The following TRAPPC11 variants were observed in gnomAD, a reference collection of about 807,000 sequenced individuals.
TRAPPC11 encodes trafficking protein particle complex subunit 11, also known as foie gras homolog.
A neutral mutation model predicts 151.2 loss-of-function variants in TRAPPC11; 104 were observed. That is an observed-to-expected ratio of 0.69 (90% confidence interval 0.59 to 0.81). The LOEUF (loss-of-function observed/expected upper bound fraction) is 0.81, where lower values mean the gene tolerates loss of function less well. TRAPPC11 is among the 30% of genes least tolerant of loss of function. TRAPPC11 has a pLI of 0.00. For synonymous variants in TRAPPC11, 456 were observed against 472.3 expected (o/e 0.97, Z 0.45); for missense variants, 1,230 against 1,349.6 (o/e 0.91, Z 1.39).
At chr4:183,710,738 A>C (rs1198236228) in intron 29 of TRAPPC11, among the ~76,000 whole-genome samples, 1 of 151,710 alleles carries the variant, frequency 6.6e-6, no homozygotes, top group Admixed American at 6.6e-5. Flanking sequence ...TTTATAATTA[A>C]AAAATTTTGG....
intron 1 of TRAPPC11, among the ~76,000 whole-genome samples, chr4:183,661,408 G>C (rs1734517974): frequency 8.9e-6 from 1 of 112,100 alleles, no homozygotes; most frequent in Non-Finnish European, 1.6e-5. Context: ...TCCTCGCTCT[G>C]TCGCCCAGGC....
chr4:183,707,556 G>A (rs1192289252), intron 28 of TRAPPC11, among the ~76,000 whole-genome samples: 3 of 152,108 alleles, frequency 2.0e-5, no homozygotes, highest in African/African-American at 4.8e-5. Flanking sequence ...TAACAGAGAT[G>A]ACCCTCCAAA....
intron 18 of TRAPPC11, among the ~76,000 whole-genome samples, chr4:183,689,652 A>T (rs1736155406): frequency 6.8e-6 from 1 of 146,354 alleles, no homozygotes; most frequent in Non-Finnish European, 1.5e-5. Flanking sequence ...TTTTTTAAAG[A>T]GATACTTTGT....
chr4:183,691,301 G>C lies in TRAPPC11; in HGVS notation c.1894-15G>C. On this transcript the variant is annotated splice_polypyrimidine_tract_variant and intron_variant, in intron 18 of 29. Coordinates refer to ENST00000334690, the MANE Select transcript of TRAPPC11 (RefSeq NM_021942.6). ...AGACATCTGACATTTGATGACCCCT[G>C]TTCACCTTTTTCAGGAATACAACCA... 3 of 1,473,394 alleles carry C rather than the reference G, an allele frequency of 2.0e-6. No homozygotes were observed. The highest frequency in any genetic ancestry group is 2.7e-6 in the Non-Finnish European group (3 of 1,097,240). The allele number at this position is 1,473,394 out of a possible 1,614,324, so 91.3% of individuals were successfully genotyped here. A position where few individuals can be genotyped will look rare whatever the true frequency, so the allele number is the denominator to read the frequency against.
rs541601103 is a variant in TRAPPC11, at chr4:183,678,013, A to G, written c.831+459A>G. Among the ~76,000 whole-genome samples the G allele has an allele frequency of 1.7e-4, 25 of 147,478 alleles. No individual in the cohort carries two copies. The South Asian group carries it at 5.4e-3, about 32-fold the overall frequency. ...GAGTGCAGTGGTGGGATCTCGGCTC[A>G]CTGGAACCTCTGCCTCCTGGGTTCA... is the stretch of plus-strand genomic sequence containing the variant. On this transcript the variant is annotated intron_variant, in intron 8 of 29. Coordinates refer to ENST00000334690, the MANE Select transcript of TRAPPC11 (RefSeq NM_021942.6).
intron 4 of TRAPPC11, among the ~76,000 whole-genome samples, 161 bp downstream of exon 4, chr4:183,667,291 T>C (rs1180358530): frequency 6.6e-6 from 1 of 152,210 alleles, no homozygotes; most frequent in Non-Finnish European, 1.5e-5. Flanking sequence ...CAAATGCTTA[T>C]TGTAAAAAAT....
chr4:183,669,689 G>A (rs1735054843), intron 5 of TRAPPC11, among the ~76,000 whole-genome samples: 1 of 152,116 alleles, frequency 6.6e-6, no homozygotes, highest in African/African-American at 2.4e-5. Flanking sequence ...GCTTCCAGTG[G>A]GTAGAGGCCA....
chr4:183,679,101 A>G (rs1735549875), intron 8 of TRAPPC11, among the ~76,000 whole-genome samples: 1 of 152,166 alleles, frequency 6.6e-6, no homozygotes, highest in African/African-American at 2.4e-5. Flanking sequence ...ATATTTTTTA[A>G]AAGCTTTTCT....
chr4:183,706,751 C>A, intron 27 of TRAPPC11, 56 bp from the exon 28 acceptor site: 3 of 1,565,370 alleles, frequency 1.9e-6, no homozygotes, highest in Non-Finnish European at 2.6e-6. Context: ...CAAAACGAAG[C>A]CATAAGTGGG....
intron 25 of TRAPPC11, among the ~76,000 whole-genome samples, chr4:183,699,183 G>A (rs984107774): frequency 2.0e-5 from 3 of 152,084 alleles, no homozygotes; most frequent in Non-Finnish European, 4.4e-5. Flanking sequence ...CAAACTTAGG[G>A]CATTCATCCA....
intron 1 of TRAPPC11, among the ~76,000 whole-genome samples, chr4:183,662,739 CTGTT>C (rs68163116): frequency 0.11 from 16,443 of 152,012 alleles, 943 homozygotes; most frequent in Admixed American, 0.14. Flanking sequence ...TGTAAGTCAA[CTGTT>C]TTTCTTTTAT....
rs1281717591 is a variant in TRAPPC11, at chr4:183,684,230, A to G, written c.1366+7A>G. On this transcript the variant is annotated splice_region_variant and intron_variant, in intron 13 of 29. Transcript: ENST00000334690. ...CGAATGAAAAGTCACCTAAGTATGT[A>G]TCCACAAACGTCACCATTGCATGCA... is the stretch of plus-strand genomic sequence containing the variant. 2 of 1,613,750 alleles carry G rather than the reference A, an allele frequency of 1.2e-6. No homozygotes were observed.
intron 23 of TRAPPC11, among the ~76,000 whole-genome samples, chr4:183,695,303 A>T (rs374207101): frequency 2.7e-4 from 41 of 152,274 alleles, no homozygotes; most frequent in African/African-American, 9.6e-4. Context: ...AGCAAATCAC[A>T]CATGAGATAA....
intron 10 of TRAPPC11, 45 bp downstream of exon 10, chr4:183,680,312 C>A (rs1342159929): frequency 1.3e-6 from 2 of 1,585,810 alleles, no homozygotes; most frequent in East Asian, 2.2e-5. Flanking sequence ...AAAAGTTATT[C>A]TTCTTTTGAA....
intron 22 of TRAPPC11, among the ~76,000 whole-genome samples, 192 bp downstream of exon 22, chr4:183,694,230 GA>G (rs1202454737): frequency 1.3e-5 from 2 of 152,106 alleles, no homozygotes; most frequent in Non-Finnish European, 2.9e-5. Context: ...TTCTACAAGG[GA>G]ATTTAGAAAA....
chr4:183,664,405 C>T (rs1197368178), intron 2 of TRAPPC11, among the ~76,000 whole-genome samples: 1 of 151,966 alleles, frequency 6.6e-6, no homozygotes, highest in African/African-American at 2.4e-5. Context: ...TTTTTGAATC[C>T]CATGGTCTGT....
intron 1 of TRAPPC11, among the ~76,000 whole-genome samples, chr4:183,661,414 C>T (rs1579146343): frequency 7.0e-6 from 1 of 142,342 alleles, no homozygotes; most frequent in East Asian, 2.1e-4. Flanking sequence ...CTCTGTCGCC[C>T]AGGCTGGAGT....
chr4:183,692,186 C>T (rs889559726), intron 19 of TRAPPC11, among the ~76,000 whole-genome samples: 1 of 152,022 alleles, frequency 6.6e-6, no homozygotes, highest in African/African-American at 2.4e-5. Flanking sequence ...ATGTAACTTG[C>T]TTGGAATAGT....
At chr4:183,686,158 A>G (rs1179961013) in intron 17 of TRAPPC11, among the ~76,000 whole-genome samples, 1 of 151,984 alleles carries the variant, frequency 6.6e-6, no homozygotes, top group Non-Finnish European at 1.5e-5. Flanking sequence ...TCTTTTTGAG[A>G]TAGAGCCTTG....
Sources: gnomAD v4.1 joint callset for allele counts (sites outside exome capture counted in the v4.1 genomes callset) on GRCh38, gnomAD v4.1.1 for gene constraint, MANE v1.5 for transcripts, NCBI Gene and HGNC (gene_info 2026-07-23, HGNC 2026-07-21) for gene names.